The following MACROD2 variants were observed in gnomAD, a reference collection of about 807,000 sequenced individuals.
MACROD2 encodes the protein mono-ADP ribosylhydrolase 2, also known as ADP-ribose glycohydrolase MACROD2.
MACROD2 carries 36 observed loss-of-function variants against 70.4 expected under a neutral mutation model. The ratio of observed to expected loss-of-function variants is 0.51; its 90% confidence interval spans 0.39 to 0.68. The LOEUF (loss-of-function observed/expected upper bound fraction) is 0.68, where lower values mean the gene tolerates loss of function less well. Among genes scored for constraint, MACROD2 ranks in the 30% least tolerant of loss-of-function variants. The pLI is 0.00. For synonymous variants in MACROD2, 172 were observed against 178.8 expected (o/e 0.96, Z 0.30); for missense variants, 496 against 538.4 (o/e 0.92, Z 0.78).
intron 6 of MACROD2, among the ~76,000 whole-genome samples, chr20:15,383,411 C>G (rs145524899): frequency 2.0e-5 from 3 of 152,136 alleles, no homozygotes; most frequent in African/African-American, 7.2e-5. Flanking sequence ...TCAAGTGGGT[C>G]AAAGCTTGCC....
chr20:15,181,173 C>T (rs2076498037), intron 5 of MACROD2, among the ~76,000 whole-genome samples: 1 of 152,190 alleles, frequency 6.6e-6, no homozygotes. Flanking sequence ...TCACATCCTA[C>T]ACAGACTGTA....
chr20:15,041,118 G>A (rs2075353022), intron 5 of MACROD2, among the ~76,000 whole-genome samples: 1 of 152,162 alleles, frequency 6.6e-6, no homozygotes, highest in African/African-American at 2.4e-5. Flanking sequence ...CATGAATTGT[G>A]CAGTTATGAA....
At chr20:15,397,941 C>T (rs982823492) in intron 6 of MACROD2, among the ~76,000 whole-genome samples, 5 of 152,084 alleles carry the variant, frequency 3.3e-5, no homozygotes, top group African/African-American at 4.8e-5. Context: ...ATTTAGTAAA[C>T]TTAGAGCAGA....
intron 15 of MACROD2, among the ~76,000 whole-genome samples, chr20:16,027,092 A>G (rs149777419): frequency 6.6e-6 from 1 of 152,044 alleles, no homozygotes; most frequent in Non-Finnish European, 1.5e-5. Flanking sequence ...CTTTCACTTA[A>G]TGCAGATGTG....
chr20:15,738,589 A>G (rs2051059804), intron 8 of MACROD2, among the ~76,000 whole-genome samples: 1 of 152,186 alleles, frequency 6.6e-6, no homozygotes. Flanking sequence ...TAACACTCAT[A>G]GGGAAAAGAA....
In MACROD2 at chr20:15,045,129, G is replaced by GA. The variant is rs141689556; in HGVS notation, c.419-184806dup. ...ACCTAACAGTACTAAAGATGATCTAGAAAAAGAAAAGAAAAGAAAAGAAAT... is the reference window on the plus strand; with the variant it reads ...ACCTAACAGTACTAAAGATGATCTAGAAAAAAGAAAAGAAAAGAAAAGAAAT... On this transcript the variant is annotated intron_variant, in intron 5 of 17. Coordinates refer to ENST00000684519, the MANE Select transcript of MACROD2 (RefSeq NM_001351661.2). 6.7e-3 allele frequency among the ~76,000 whole-genome samples: 1,019 copies of GA among 152,082 alleles called. 6 individuals carry two copies. The highest frequency in any genetic ancestry group is 0.012 in the Non-Finnish European group (836 of 67,956).
At chr20:14,322,260 A>T (rs373356729) in intron 3 of MACROD2, among the ~76,000 whole-genome samples, 1 of 144,948 alleles carries the variant, frequency 6.9e-6, no homozygotes, top group African/African-American at 2.5e-5. Flanking sequence ...AAAAACTTGT[A>T]TCCTCTTGGT....
chr20:15,889,594 A>C (rs933764883), intron 10 of MACROD2, among the ~76,000 whole-genome samples: 2 of 152,162 alleles, frequency 1.3e-5, no homozygotes, highest in Admixed American at 6.5e-5. Flanking sequence ...GAGGTAGAAG[A>C]AGCAGACTGG....
At chr20:14,947,554 G>C (rs988765755) in intron 5 of MACROD2, among the ~76,000 whole-genome samples, 1 of 152,188 alleles carries the variant, frequency 6.6e-6, no homozygotes, top group African/African-American at 2.4e-5. Flanking sequence ...TTGGTGCTAA[G>C]GCATTTGTGC....
chr20:15,740,069 T>C (rs1161957828), intron 8 of MACROD2, among the ~76,000 whole-genome samples: 1 of 152,214 alleles, frequency 6.6e-6, no homozygotes, highest in African/African-American at 2.4e-5. Context: ...TAGATTGACA[T>C]GGGAGCTCTG....
intron 3 of MACROD2, among the ~76,000 whole-genome samples, chr20:14,246,918 C>T (rs952519922): frequency 1.3e-5 from 2 of 152,086 alleles, no homozygotes; most frequent in African/African-American, 4.8e-5. Context: ...ATTTCCATGG[C>T]AACCAGGGTG....
At chr20:14,233,590 G>T (rs1422381421) in intron 3 of MACROD2, among the ~76,000 whole-genome samples, 2 of 150,644 alleles carry the variant, frequency 1.3e-5, no homozygotes, top group Non-Finnish European at 3.0e-5. Flanking sequence ...CCAGCTACTC[G>T]GGAGGCTGAG....
At chr20:14,500,094 G>A (rs1703480368) in intron 4 of MACROD2, among the ~76,000 whole-genome samples, 1 of 152,174 alleles carries the variant, frequency 6.6e-6, no homozygotes, top group Non-Finnish European at 1.5e-5. Context: ...GAAGCAGAAG[G>A]TCATGATCTA....
intron 9 of MACROD2, among the ~76,000 whole-genome samples, chr20:15,876,091 T>TTTTA (rs1555789633): frequency 3.6e-4 from 12 of 33,122 alleles, no homozygotes; most frequent in Non-Finnish European, 5.0e-4. Flanking sequence ...TACATGTCTT[T>TTTTA]TATATATATA....
intron 5 of MACROD2, among the ~76,000 whole-genome samples, chr20:15,182,320 C>A (rs1358402339): frequency 6.6e-6 from 1 of 152,004 alleles, no homozygotes. Flanking sequence ...AAGTTTAATG[C>A]TGACTTTAAT....
intron 3 of MACROD2, among the ~76,000 whole-genome samples, chr20:14,185,383 G>A (rs1031675025): frequency 4.6e-5 from 7 of 152,128 alleles, no homozygotes; most frequent in Admixed American, 3.9e-4. Context: ...TTTCTCCTCA[G>A]TGTGTTCTTG....
chr20:14,718,555 A>C (rs2071425053), intron 5 of MACROD2, among the ~76,000 whole-genome samples: 1 of 152,078 alleles, frequency 6.6e-6, no homozygotes, highest in Admixed American at 6.5e-5. Flanking sequence ...CTGATAAAGG[A>C]GCCAAGTATC....
chr20:15,815,568 CACTTCT>C (rs1316350119), intron 8 of MACROD2, among the ~76,000 whole-genome samples: 1 of 152,128 alleles, frequency 6.6e-6, no homozygotes, highest in Admixed American at 6.6e-5. Flanking sequence ...AAGTAAGAAA[CACTTCT>C]ACTTGAGTGA....
rs2075536932 is a variant in MACROD2 at position 15,062,070 on chromosome 20, T to C, written c.419-167870T>C. Among the ~76,000 whole-genome samples the C allele has an allele frequency of 2.0e-5, 3 of 152,166 alleles. 1 individual carries two copies. The South Asian group carries it at 6.2e-4, about 32-fold the overall frequency. ...GCCTTGGGCTTGCCCTGGGTCCTAG[T>C]GGTCACTTGCTAACATACCTTATAT... is the stretch of plus-strand genomic sequence containing the variant. On this transcript the variant is annotated intron_variant, in intron 5 of 17. Coordinates refer to ENST00000684519, the MANE Select transcript of MACROD2 (RefSeq NM_001351661.2).
Sources: gnomAD v4.1 joint callset for allele counts (sites outside exome capture counted in the v4.1 genomes callset) on GRCh38, gnomAD v4.1.1 for gene constraint, MANE v1.5 for transcripts, NCBI Gene and HGNC (gene_info 2026-07-23, HGNC 2026-07-21) for gene names.